The following PCDHA13 variants were observed in gnomAD, a reference collection of about 807,000 sequenced individuals.
PCDHA13 encodes protocadherin alpha-13.
PCDHA13 carries 54 observed loss-of-function variants against 64.8 expected under a neutral mutation model. That is an observed-to-expected ratio of 0.83 (90% CI 0.67 to 1.04). PCDHA13 has a LOEUF of 1.04. PCDHA13 is among the 50% of genes least tolerant of loss of function. The pLI, the probability that PCDHA13 is intolerant of heterozygous loss-of-function variation, is 0.00. For missense variants in PCDHA13, 1,248 were observed against 1,254.3 expected (o/e 0.99, Z 0.08); for synonymous variants, 587 against 564.4 (o/e 1.04, Z -0.57).
At chr5:140,940,080 T>C (rs1213223425) in intron 1 of PCDHA13, among the ~76,000 whole-genome samples, 3 of 152,248 alleles carry the variant, frequency 2.0e-5, no homozygotes, top group African/African-American at 7.2e-5. Flanking sequence ...GATATCTTTC[T>C]GCTAAATTGA....
chr5:140,885,041 T>C (rs2060440056), intron 1 of PCDHA13, among the ~76,000 whole-genome samples: 1 of 152,250 alleles, frequency 6.6e-6, no homozygotes, highest in Non-Finnish European at 1.5e-5. Flanking sequence ...ATTTTTAGTT[T>C]AATGTATACA....
chr5:140,986,634 A>C (rs1587175680), intron 3 of PCDHA13, among the ~76,000 whole-genome samples: 3 of 152,202 alleles, frequency 2.0e-5, no homozygotes, highest in South Asian at 2.1e-4. Flanking sequence ...GCAACAGTAC[A>C]TTAGTTTTAG....
chr5:141,008,526 G>A (rs2153997518), intron 3 of PCDHA13, among the ~76,000 whole-genome samples: 1 of 152,126 alleles, frequency 6.6e-6, no homozygotes, highest in Non-Finnish European at 1.5e-5. Flanking sequence ...TCAGACTCTT[G>A]GGAATGTCTT....
intron 1 of PCDHA13, among the ~76,000 whole-genome samples, chr5:140,903,666 A>T (rs1554191076): frequency 6.6e-6 from 1 of 152,228 alleles, no homozygotes; most frequent in African/African-American, 2.4e-5. Flanking sequence ...AATTTAACTG[A>T]TATAAAAGAT....
intron 1 of PCDHA13, among the ~76,000 whole-genome samples, chr5:140,956,665 G>GCTTT (rs1273636843): frequency 1.3e-5 from 2 of 152,004 alleles, no homozygotes; most frequent in Non-Finnish European, 2.9e-5. Flanking sequence ...TGGCCTTAAA[G>GCTTT]GAGTTAGGGA....
intron 1 of PCDHA13, among the ~76,000 whole-genome samples, chr5:140,891,658 C>T (rs1241439148): frequency 6.6e-6 from 1 of 151,928 alleles, no homozygotes; most frequent in Non-Finnish European, 1.5e-5. Context: ...GATAGTTCAC[C>T]CACCTTAAAG....
At chr5:140,996,302 CAA>C (rs2097720989) in intron 3 of PCDHA13, among the ~76,000 whole-genome samples, 1 of 152,274 alleles carries the variant, frequency 6.6e-6, no homozygotes, top group Non-Finnish European at 1.5e-5. Flanking sequence ...CAGATTGTAA[CAA>C]AGTAAGGGGG....
At chr5:140,989,462 G>A (rs531421005) in intron 3 of PCDHA13, among the ~76,000 whole-genome samples, 27 of 152,326 alleles carry the variant, frequency 1.8e-4, no homozygotes, top group Non-Finnish European at 2.9e-4. Context: ...GTTAGGCTTG[G>A]AACTCCTCCT....
chr5:140,901,270 C>T (rs2068553355), intron 1 of PCDHA13, among the ~76,000 whole-genome samples: 2 of 152,246 alleles, frequency 1.3e-5, no homozygotes, highest in South Asian at 4.1e-4. Flanking sequence ...TGGGGTATTA[C>T]TCAAGAAATT....
intron 1 of PCDHA13, among the ~76,000 whole-genome samples, chr5:140,889,253 G>A (rs1272394693): frequency 6.6e-6 from 1 of 151,724 alleles, no homozygotes; most frequent in Non-Finnish European, 1.5e-5. Flanking sequence ...TCTGTTTCCT[G>A]TAAAAGTTTG....
At chr5:140,915,840 G>C (rs1554197129) in intron 1 of PCDHA13, among the ~76,000 whole-genome samples, 1 of 152,142 alleles carries the variant, frequency 6.6e-6, no homozygotes, top group African/African-American at 2.4e-5. Context: ...AGATCAGCAG[G>C]GGGTGACACC....
At chr5:140,997,481 A>G (rs1563624223) in intron 3 of PCDHA13, among the ~76,000 whole-genome samples, 1 of 152,224 alleles carries the variant, frequency 6.6e-6, no homozygotes, top group Non-Finnish European at 1.5e-5. Flanking sequence ...ACACAATGAT[A>G]AGTATTTGTG....
intron 1 of PCDHA13, among the ~76,000 whole-genome samples, chr5:140,942,913 G>GA (rs58669311): frequency 1.5e-4 from 23 of 148,948 alleles, no homozygotes; most frequent in Middle Eastern, 3.5e-3. Flanking sequence ...TAAGCGTGAA[G>GA]AAAAAAAAAA....
intron 1 of PCDHA13, chr5:140,926,714 C>G: frequency 1.1e-6 from 1 of 951,084 alleles, no homozygotes; most frequent in Non-Finnish European, 1.4e-6. Context: ...TGGCCAGCCC[C>G]GGCAATGCCG....
intron 3 of PCDHA13, among the ~76,000 whole-genome samples, chr5:140,993,462 TCA>T (rs3836747): frequency 0.093 from 13,122 of 140,864 alleles, 629 homozygotes; most frequent in African/African-American, 0.12. Flanking sequence ...TCTTTCTTTC[TCA>T]CACACACACA....
chr5:140,921,282 A>C (rs1208744523), intron 1 of PCDHA13, among the ~76,000 whole-genome samples: 1 of 152,224 alleles, frequency 6.6e-6, no homozygotes, highest in Non-Finnish European at 1.5e-5. Flanking sequence ...CTTGAAAAAA[A>C]CCTCAAATTT....
intron 1 of PCDHA13, among the ~76,000 whole-genome samples, chr5:140,923,708 T>C (rs1554201570): frequency 1.3e-5 from 2 of 152,216 alleles, no homozygotes; most frequent in Non-Finnish European, 2.9e-5. Context: ...CCAATTTACT[T>C]GAATAAGAAT....
chr5:140,887,239 G>A (rs1248062448), intron 1 of PCDHA13, among the ~76,000 whole-genome samples: 2 of 151,736 alleles, frequency 1.3e-5, no homozygotes, highest in Admixed American at 6.6e-5. Context: ...TGAGACTACC[G>A]GCGCCCGCCA....
chr5:140,945,801 C>T (rs1371269109), intron 1 of PCDHA13, among the ~76,000 whole-genome samples: 2 of 152,026 alleles, frequency 1.3e-5, no homozygotes, highest in East Asian at 3.9e-4. Context: ...GAAACTAGAC[C>T]CTTATCTCAC....
Sources: gnomAD v4.1 joint callset for allele counts (sites outside exome capture counted in the v4.1 genomes callset) on GRCh38, gnomAD v4.1.1 for gene constraint, MANE v1.5 for transcripts, NCBI Gene and HGNC (gene_info 2026-07-23, HGNC 2026-07-21) for gene names.